TSPAN5: variants seen among roughly 807,000 people sequenced by gnomAD.
The protein encoded by TSPAN5 is tetraspanin 5, also known as tetraspanin-5.
TSPAN5 carries 10 observed loss-of-function variants against 37.1 expected under a neutral mutation model. That is an observed-to-expected ratio of 0.27 (90% CI 0.17 to 0.46). The LOEUF (loss-of-function observed/expected upper bound fraction) is 0.46. Ranked by LOEUF, TSPAN5 falls within the 20% of genes least tolerant of loss-of-function variation. The probability of loss-of-function intolerance (pLI) is 1.00; values close to 1 mark genes in which losing one functional copy is unlikely to be tolerated. For missense variants in TSPAN5, 195 were observed against 326.6 expected (o/e 0.60, Z 3.11); for synonymous variants, 110 against 118.9 (o/e 0.93, Z 0.48).
chr4:98,654,287 T>G (rs920441584), intron 1 of TSPAN5, among the ~76,000 whole-genome samples: 1 of 152,238 alleles, frequency 6.6e-6, no homozygotes, highest in Non-Finnish European at 1.5e-5. Context: ...TTGGAGGTTA[T>G]GTAGCAATAA....
chr4:98,633,363 A>T (rs1032116821), intron 1 of TSPAN5, among the ~76,000 whole-genome samples: 1 of 152,180 alleles, frequency 6.6e-6, no homozygotes, highest in Non-Finnish European at 1.5e-5. Context: ...AGACTCACCT[A>T]AACAACTCAA....
At chr4:98,564,787 T>C (rs1223668809) in intron 1 of TSPAN5, among the ~76,000 whole-genome samples, 1 of 151,968 alleles carries the variant, frequency 6.6e-6, no homozygotes, top group Non-Finnish European at 1.5e-5. Context: ...CTTCGCCCCC[T>C]GGGGTTCACG....
intron 7 of TSPAN5, 133 bp downstream of exon 7, chr4:98,476,056 G>A: frequency 4.8e-6 from 3 of 621,530 alleles, no homozygotes; most frequent in Middle Eastern, 2.8e-4. Flanking sequence ...AAATCGTTTA[G>A]GTCTGTTCCT....
At chr4:98,544,122 G>C (rs966878717) in intron 1 of TSPAN5, among the ~76,000 whole-genome samples, 1 of 152,176 alleles carries the variant, frequency 6.6e-6, no homozygotes, top group Non-Finnish European at 1.5e-5. Flanking sequence ...CAGGGCTGCA[G>C]TGAGCTATGA....
intron 4 of TSPAN5, 61 bp downstream of exon 4, chr4:98,481,944 A>C: frequency 6.4e-7 from 1 of 1,558,762 alleles, no homozygotes; most frequent in Non-Finnish European, 8.8e-7. Flanking sequence ...GGAGGGATGA[A>C]ATTCACTGGG....
intron 1 of TSPAN5, among the ~76,000 whole-genome samples, chr4:98,570,818 C>T (rs1231999156): frequency 1.3e-5 from 2 of 152,096 alleles, no homozygotes; most frequent in African/African-American, 4.8e-5. Context: ...CTCCACCCCA[C>T]TTATGTCCAC....
chr4:98,490,242 G>C (rs1370659516), intron 2 of TSPAN5, among the ~76,000 whole-genome samples: 1 of 152,102 alleles, frequency 6.6e-6, no homozygotes, highest in African/African-American at 2.4e-5. Context: ...GAGCAACTCA[G>C]CAAAGCAAGC....
At chr4:98,550,536 C>T (rs1919212) in intron 1 of TSPAN5, among the ~76,000 whole-genome samples, 14,593 of 149,304 alleles carry the variant, frequency 0.098, 1,257 homozygotes, top group African/African-American at 0.23. Context: ...TTCCATTTGT[C>T]TGTGTTGTCT....
intron 1 of TSPAN5, among the ~76,000 whole-genome samples, chr4:98,548,695 C>T (rs1258486759): frequency 6.6e-6 from 1 of 152,068 alleles, no homozygotes. Context: ...TATTTTTAGT[C>T]TTCAATGTCC....
chr4:98,511,048 G>T (rs951616814), intron 1 of TSPAN5, among the ~76,000 whole-genome samples: 4 of 152,154 alleles, frequency 2.6e-5, no homozygotes, highest in African/African-American at 9.7e-5. Context: ...CTGAAACCCA[G>T]GGAGGCCCAC....
At chr4:98,588,471 C>T (rs1444275428) in intron 1 of TSPAN5, among the ~76,000 whole-genome samples, 2 of 151,814 alleles carry the variant, frequency 1.3e-5, no homozygotes, top group Non-Finnish European at 2.9e-5. Flanking sequence ...AACATTATCA[C>T]TATTTTTTAA....
chr4:98,581,482 A>G (rs968009414), intron 1 of TSPAN5, among the ~76,000 whole-genome samples: 1 of 152,122 alleles, frequency 6.6e-6, no homozygotes, highest in Non-Finnish European at 1.5e-5. Flanking sequence ...CTTCTAGGCA[A>G]CTCTGCTCTT....
intron 1 of TSPAN5, among the ~76,000 whole-genome samples, chr4:98,576,538 G>A (rs906256633): frequency 1.4e-4 from 21 of 152,002 alleles, no homozygotes; most frequent in Non-Finnish European, 1.9e-4. Context: ...TCAGAAGTTC[G>A]AGACCAGCTT....
intron 1 of TSPAN5, among the ~76,000 whole-genome samples, chr4:98,588,965 T>A (rs1755558861): frequency 6.6e-6 from 1 of 152,214 alleles, no homozygotes; most frequent in Non-Finnish European, 1.5e-5. Context: ...AATTAAGCTA[T>A]GATTACTGCA....
At chr4:98,629,238 A>G (rs1756688081) in intron 1 of TSPAN5, among the ~76,000 whole-genome samples, 1 of 152,230 alleles carries the variant, frequency 6.6e-6, no homozygotes. Context: ...CATAACCAGA[A>G]TATCTTCAGT....
rs1752584614 is a variant in TSPAN5, at chr4:98,471,562, G to A, written c.*960C>T. 6.6e-6 allele frequency: 1 copy of A among 152,198 alleles called. No homozygotes were observed. The highest frequency in any genetic ancestry group is 2.4e-5 in the African/African-American group (1 of 41,450). 9.4% of individuals were successfully genotyped at this position (152,198 alleles called of 1,614,324 possible). ...CAGATTCACAGGTCATGCAGATTAAGACTTAATCAAAAATTAATGCTTGAG... is the reference window on the plus strand; with the variant it reads ...CAGATTCACAGGTCATGCAGATTAAAACTTAATCAAAAATTAATGCTTGAG... On this transcript the variant is annotated 3_prime_UTR_variant, in exon 8 of 8. Transcript: ENST00000305798.
At chr4:98,645,139 T>C (rs1030461374) in intron 1 of TSPAN5, among the ~76,000 whole-genome samples, 1 of 152,196 alleles carries the variant, frequency 6.6e-6, no homozygotes, top group Non-Finnish European at 1.5e-5. Flanking sequence ...TTTCATCCTC[T>C]GGTCTAGTTA....
At chr4:98,594,111 T>G (rs1223439637) in intron 1 of TSPAN5, among the ~76,000 whole-genome samples, 1 of 104,970 alleles carries the variant, frequency 9.5e-6, no homozygotes, top group East Asian at 2.6e-4. Flanking sequence ...CTCTTTTATT[T>G]CCTTGAGCAG....
intron 1 of TSPAN5, among the ~76,000 whole-genome samples, chr4:98,530,173 C>A (rs1284013691): frequency 6.6e-6 from 1 of 152,224 alleles, no homozygotes; most frequent in African/African-American, 2.4e-5. Context: ...CCTGCACACA[C>A]ATTGCCAGGA....
Sources: allele counts gnomAD v4.1 joint callset (sites outside exome capture counted in the v4.1 genomes callset), GRCh38; gene constraint gnomAD v4.1.1; transcripts MANE v1.5; gene names NCBI Gene and HGNC (gene_info 2026-07-23, HGNC 2026-07-21).